Variants in CRLS1 observed in about 807,000 individuals in gnomAD.
CRLS1 encodes the protein cardiolipin synthase 1.
A neutral mutation model predicts 37.0 loss-of-function variants in CRLS1; 24 were observed. That is an observed-to-expected ratio of 0.65 (90% CI 0.47 to 0.91). CRLS1 has a LOEUF of 0.91. Among genes scored for constraint, CRLS1 ranks in the 40% least tolerant of loss-of-function variants. The pLI, the probability that CRLS1 is intolerant of heterozygous loss-of-function variation, is 0.00. For missense variants in CRLS1, 373 were observed against 395.8 expected (o/e 0.94, Z 0.49); for synonymous variants, 135 against 159.7 (o/e 0.85, Z 1.17).
intron 2 of CRLS1, among the ~76,000 whole-genome samples, chr20:6,010,365 A>G (rs1600348636): frequency 6.6e-6 from 1 of 152,334 alleles, no homozygotes; most frequent in Middle Eastern, 3.4e-3. Context: ...CTGGGATATG[A>G]CCAGAAGCAT....
Position 6,034,479 on chromosome 20 carries a change from C to T in CRLS1, c.745C>T (p.Gln249Ter), listed in dbSNP as rs1388104898. ...TFISKVNTAVQLILVAASLAA... is the reference protein window; with the variant it reads ...TFISKVNTAV ...TTTTATTTAGGTGAATACAGCAGTCCAGTTAATCTTGGTGGCAGCTTCTTT... is the reference window on the plus strand; with the variant it reads ...TTTTATTTAGGTGAATACAGCAGTCTAGTTAATCTTGGTGGCAGCTTCTTT... The change falls in exon 6 of 7, where the codon CAG becomes TAG. Residue 249 changes from glutamine (Q) to a stop codon, truncating the protein, a stop_gained. Transcript: ENST00000378863. LOFTEE classifies it high-confidence loss of function. 6.2e-7 allele frequency: 1 copy of T among 1,612,262 alleles called. No individual in the cohort carries two copies. Among genetic ancestry groups the T allele is most frequent in the East Asian group, 2.2e-5 (1 of 44,874 alleles).
Position 6,006,263 on chromosome 20 carries a change from T to G in CRLS1, c.17T>G (p.Val6Gly). 1 of 1,250,494 alleles carries G rather than the reference T, an allele frequency of 8.0e-7. No homozygotes were observed. Among genetic ancestry groups the G allele is most frequent in the Non-Finnish European group, 1.0e-6 (1 of 1,000,868 alleles). The allele number at this position is 1,250,494 out of a possible 1,614,324, so 77.5% of individuals were successfully genotyped here. A position where few individuals can be genotyped will look rare whatever the true frequency, so the allele number is the denominator to read the frequency against. Residue 6 changes from valine (V) to glycine (G), a missense_variant, in exon 1 of 7, where the codon GTG (valine) becomes GGG (glycine). Physicochemically the swap from Val to Gly is moderately radical, Grantham distance 109. Coordinates refer to ENST00000378863, the MANE Select transcript of CRLS1 (RefSeq NM_019095.6). MLALR[V>G]ARGSWGALRG... ...CGCAGGGCCATGCTAGCCTTGCGCG[T>G]GGCGCGCGGCTCGTGGGGGGCCCTG...
chr20:6,033,741 G>A (rs1176929797), intron 5 of CRLS1, among the ~76,000 whole-genome samples: 4 of 152,108 alleles, frequency 2.6e-5, no homozygotes, highest in Non-Finnish European at 4.4e-5. Context: ...GTGCAGTGGC[G>A]CAATCATAGC....
At chr20:6,029,137 G>C (rs1365701021) in intron 3 of CRLS1, among the ~76,000 whole-genome samples, 1 of 109,076 alleles carries the variant, frequency 9.2e-6, no homozygotes, top group African/African-American at 3.6e-5. Flanking sequence ...GGGAACCCTT[G>C]ATTTTTTTTT....
rs565546520 is a variant in CRLS1, at chr20:6,039,857, C to T, written c.*2699C>T. 1.3e-5 allele frequency: 2 copies of T among 152,002 alleles called. No homozygotes were observed. Among genetic ancestry groups the T allele is most frequent in the South Asian group, 2.1e-4 (1 of 4,816 alleles). The allele number at this position is 152,002 out of a possible 1,614,324, so 9.4% of individuals were successfully genotyped here. On this transcript the variant is annotated 3_prime_UTR_variant, in exon 7 of 7. Transcript: ENST00000378863. ...ATACTGAGGATTGCTGCCAACCATC[C>T]GAAGCTGGGAGAGGAGATGGAACAA...
intron 3 of CRLS1, among the ~76,000 whole-genome samples, chr20:6,021,347 G>A (rs1246418364): frequency 6.6e-6 from 1 of 152,182 alleles, no homozygotes; most frequent in Non-Finnish European, 1.5e-5. Context: ...GATTATGGGT[G>A]TGAGCCTCTG....
chr20:6,017,676 A>C (rs1430275936), intron 3 of CRLS1, among the ~76,000 whole-genome samples: 1 of 152,214 alleles, frequency 6.6e-6, no homozygotes, highest in East Asian at 1.9e-4. Flanking sequence ...CTTTTCTAAG[A>C]ATCAGCAATT....
chr20:6,027,814 C>G (rs1463901536), intron 3 of CRLS1, among the ~76,000 whole-genome samples: 1 of 152,204 alleles, frequency 6.6e-6, no homozygotes, highest in Non-Finnish European at 1.5e-5. Flanking sequence ...CACGCTTAGC[C>G]ACAGGGAGCC....
At chr20:6,016,575 TG>T (rs1978771343) in intron 3 of CRLS1, among the ~76,000 whole-genome samples, 1 of 152,196 alleles carries the variant, frequency 6.6e-6, no homozygotes, top group East Asian at 1.9e-4. Context: ...TCACCTTGCT[TG>T]GCCCCTGCCA....
chr20:6,034,007 C>T (rs188441267), intron 5 of CRLS1, among the ~76,000 whole-genome samples: 1 of 152,212 alleles, frequency 6.6e-6, no homozygotes, highest in African/African-American at 2.4e-5. Flanking sequence ...AAGAAAGGAG[C>T]ATCGGATAAG....
At chr20:6,020,436 T>A (rs1034992627) in intron 3 of CRLS1, among the ~76,000 whole-genome samples, 11 of 152,218 alleles carry the variant, frequency 7.2e-5, no homozygotes, top group African/African-American at 2.7e-4. Context: ...TAGTTACCTT[T>A]TTGTTACAAT....
intron 4 of CRLS1, among the ~76,000 whole-genome samples, 176 bp from the exon 5 acceptor site, chr20:6,031,835 AT>A (rs1360499384): frequency 6.6e-6 from 1 of 152,200 alleles, no homozygotes; most frequent in East Asian, 1.9e-4. Flanking sequence ...TTGTGTTCGA[AT>A]TTTACAGCAA....
At chr20:6,020,207 G>A (rs1206586608) in intron 3 of CRLS1, among the ~76,000 whole-genome samples, 2 of 152,048 alleles carry the variant, frequency 1.3e-5, no homozygotes, top group Non-Finnish European at 2.9e-5. Flanking sequence ...AGCTATAAGT[G>A]GATACCTAAC....
intron 1 of CRLS1, among the ~76,000 whole-genome samples, chr20:6,008,556 G>A (rs1192660194): frequency 6.6e-6 from 1 of 152,218 alleles, no homozygotes; most frequent in Non-Finnish European, 1.5e-5. Context: ...CCCCAGATGG[G>A]AGCTGTGAAA....
At chr20:6,034,661 T>A in intron 6 of CRLS1, 106 bp downstream of exon 6, 1 of 783,906 alleles carries the variant, frequency 1.3e-6, no homozygotes, top group Non-Finnish European at 2.1e-6. Flanking sequence ...ACTGACTGGG[T>A]AAAGCTGTGG....
rs1295099627 is a variant in CRLS1 at position 6,031,383 on chromosome 20, C to T, written c.660+13C>T. The T allele has an allele frequency of 1.0e-5, 16 of 1,559,854 alleles. No individual in the cohort carries two copies. Among genetic ancestry groups the T allele is most frequent in the East Asian group, 2.3e-5 (1 of 43,608 alleles). On this transcript the variant is annotated intron_variant, in intron 4 of 6. Coordinates refer to ENST00000378863, the MANE Select transcript of CRLS1 (RefSeq NM_019095.6). The stretch of plus-strand genomic sequence containing the variant: ...TCTTCCAACACCAGTGAGTTTGTTT[C>T]CAAAAAGTATTCTTTTAGCATTATA...
At chr20:6,031,185 A>T (rs1343209452) in intron 3 of CRLS1, 100 bp from the exon 4 acceptor site, 1 of 697,242 alleles carries the variant, frequency 1.4e-6, no homozygotes, top group Non-Finnish European at 2.2e-6. Flanking sequence ...TTGTGAAAAC[A>T]GCAGTTTGTG....
intron 1 of CRLS1, among the ~76,000 whole-genome samples, chr20:6,007,084 T>C (rs1408792590): frequency 6.6e-6 from 1 of 152,202 alleles, no homozygotes; most frequent in Non-Finnish European, 1.5e-5. Flanking sequence ...AAACTATTCT[T>C]GAGGTAACGG....
intron 3 of CRLS1, among the ~76,000 whole-genome samples, chr20:6,018,029 C>T (rs1007378866): frequency 2.6e-5 from 4 of 151,786 alleles, no homozygotes; most frequent in African/African-American, 9.7e-5. Context: ...AGTAGCCTGG[C>T]CAACATGGCG....
Sources: gnomAD v4.1 joint callset for allele counts (sites outside exome capture counted in the v4.1 genomes callset) on GRCh38, gnomAD v4.1.1 for gene constraint, MANE v1.5 for transcripts, NCBI Gene and HGNC (gene_info 2026-07-23, HGNC 2026-07-21) for gene names.